CASC3: variants seen among roughly 807,000 people sequenced by gnomAD.
CASC3 encodes CASC3 exon junction complex subunit.
In CASC3, 30 loss-of-function variants were observed where a neutral mutation model predicts 80.5. The observed-to-expected ratio is 0.37, with a 90% confidence interval of 0.28 to 0.51. CASC3 has a LOEUF of 0.51. CASC3 is among the 20% of genes least tolerant of loss of function. CASC3 has a pLI of 0.94. For synonymous variants in CASC3, 312 were observed against 333.6 expected (o/e 0.94, Z 0.70); for missense variants, 824 against 922.2 (o/e 0.89, Z 1.38).
intron 3 of CASC3, among the ~76,000 whole-genome samples, chr17:40,144,073 G>A (rs941151360): frequency 2.0e-5 from 3 of 151,736 alleles, no homozygotes; most frequent in African/African-American, 7.3e-5. Flanking sequence ...CCAACATGGC[G>A]AAACCCATTT....
In CASC3 at chr17:40,163,875, C is replaced by T; in HGVS notation, c.1180C>T (p.Pro394Ser). 1 of 1,614,160 alleles carries T rather than the reference C, an allele frequency of 6.2e-7. No individual in the cohort carries two copies. Among genetic ancestry groups the T allele is most frequent in the Non-Finnish European group, 8.5e-7 (1 of 1,180,036 alleles). ...PAAAPDAAPP[P>S]PDRPIEKKSY... ...TGCTGCTCCTGATGCTGCACCACCA[C>T]CCCCTGATAGGCCCATTGAGAAGAA... Residue 394 changes from proline (P) to serine (S), a missense_variant, in exon 7 of 14, where the codon CCC (proline) becomes TCC (serine). Physicochemically the swap from Pro to Ser is moderately conservative, Grantham distance 74. Coordinates refer to ENST00000264645, the MANE Select transcript of CASC3 (RefSeq NM_007359.5).
chr17:40,144,786 C>T (rs1333000652), intron 3 of CASC3, among the ~76,000 whole-genome samples: 3 of 148,586 alleles, frequency 2.0e-5, no homozygotes, highest in African/African-American at 7.5e-5. Flanking sequence ...AACCAGTCCT[C>T]CTGCCTTGAC....
intron 12 of CASC3, 42 bp downstream of exon 12, chr17:40,169,488 A>G (rs1989539088): frequency 6.3e-7 from 1 of 1,584,008 alleles, no homozygotes; most frequent in Admixed American, 1.9e-5. Flanking sequence ...ATGCTCCGTC[A>G]GTGGGCTTTC....
At chr17:40,159,711 ATTTTTTTTT>A (rs71152647) in intron 3 of CASC3, among the ~76,000 whole-genome samples, 2 of 93,166 alleles carry the variant, frequency 2.1e-5, no homozygotes, top group Non-Finnish European at 4.2e-5. Context: ...TTCCTGGCGA[ATTTTTTTTT>A]TTTTTTTTTT....
rs1567685132 is a variant in CASC3 at position 40,167,925 on chromosome 17, C to T, written c.1727C>T (p.Pro576Leu). The change falls in exon 10 of 14, where the codon CCA becomes CTA. Residue 576 changes from proline (P) to leucine (L), a missense_variant. Pro to Leu is a moderately conservative substitution (Grantham distance 98). Transcript: ENST00000264645. ...CCTCCACAGGGCATGCTTGTGCAGC[C>T]AGGAATGAACCTTCCCCACCCAGGT... The part of the protein sequence containing the change: ...PLPPQGMLVQ[P>L]GMNLPHPGLH... 1 of 1,614,088 alleles carries T rather than the reference C, an allele frequency of 6.2e-7. No homozygotes were observed. Among genetic ancestry groups the T allele is most frequent in the South Asian group, 1.1e-5 (1 of 91,082 alleles).
chr17:40,143,190 A>G (rs1313274088), intron 3 of CASC3, among the ~76,000 whole-genome samples: 3 of 152,212 alleles, frequency 2.0e-5, no homozygotes, highest in Admixed American at 6.5e-5. Flanking sequence ...TCACACCTGT[A>G]ATCCCAGCAC....
In CASC3 at chr17:40,140,686, C is replaced by G; in HGVS notation, c.138C>G (p.Gly46=). The G allele has an allele frequency of 6.3e-7, 1 of 1,596,370 alleles. No individual in the cohort carries two copies. The highest frequency in any genetic ancestry group is 8.5e-7 in the Non-Finnish European group (1 of 1,173,176). The change falls in exon 1 of 14, where the codon GGC becomes GGG. Residue 46 remains glycine, a synonymous_variant. Transcript: ENST00000264645. ...CSGSAGGGGS[G]SLPSQRGGRT... is the part of the protein sequence containing the mutation. ...GTAGCGCCGGAGGCGGCGGCAGCGGCTCTCTGCCTTCACAGCGCGGAGGCC... is the reference window on the plus strand; with the variant it reads ...GTAGCGCCGGAGGCGGCGGCAGCGGGTCTCTGCCTTCACAGCGCGGAGGCC...
At chr17:40,148,882 T>C (rs367788408) in intron 3 of CASC3, among the ~76,000 whole-genome samples, 1 of 151,986 alleles carries the variant, frequency 6.6e-6, no homozygotes, top group South Asian at 2.1e-4. Flanking sequence ...TTTGTTGCAG[T>C]GTTGTCTGAA....
chr17:40,142,670 C>T (rs1373334086), intron 3 of CASC3, among the ~76,000 whole-genome samples: 1 of 152,096 alleles, frequency 6.6e-6, no homozygotes, highest in Non-Finnish European at 1.5e-5. Flanking sequence ...GGGCGGATCA[C>T]GAGGTCAGGA....
At chr17:40,160,430 G>A (rs1989264445) in intron 3 of CASC3, among the ~76,000 whole-genome samples, 1 of 151,874 alleles carries the variant, frequency 6.6e-6, no homozygotes, top group Non-Finnish European at 1.5e-5. Context: ...AGGAGATTGA[G>A]ATTGCAGTAA....
At position 40,169,308 on chromosome 17, in the gene CASC3, G is replaced by T; in HGVS notation, c.1966-16G>T. ...TCATTCCTAACTTTTTCTTCTCCTG[G>T]CTTGTGGGGTCCCAGGCCCCATCAC... On this transcript the variant is annotated splice_polypyrimidine_tract_variant and intron_variant, in intron 11 of 13. Transcript: ENST00000264645. 6.5e-7 allele frequency: 1 copy of T among 1,531,464 alleles called. No homozygotes were observed. Among genetic ancestry groups the T allele is most frequent in the Non-Finnish European group, 8.8e-7 (1 of 1,141,316 alleles). 94.9% of individuals were successfully genotyped at this position (1,531,464 alleles called of 1,614,324 possible). A position where few individuals can be genotyped will look rare whatever the true frequency, so the allele number is the denominator to read the frequency against.
In CASC3 at chr17:40,170,611, C is replaced by T. The variant is rs1107651; in HGVS notation, c.*206C>T. 19,456 of 985,552 alleles carry T rather than the reference C, an allele frequency of 0.02. 237 individuals carry two copies. Among genetic ancestry groups the T allele is most frequent in the Non-Finnish European group, 0.022 (18,465 of 829,946 alleles). 61.1% of individuals were successfully genotyped at this position (985,552 alleles called of 1,614,324 possible). ...GAGAGAGGGAGAAACAAGTGGACCT[C>T]GTCCCATCTTCACTCTTCACTTGAG... On this transcript the variant is annotated 3_prime_UTR_variant, in exon 14 of 14. Coordinates refer to ENST00000264645, the MANE Select transcript of CASC3 (RefSeq NM_007359.5).
Position 40,140,671 on chromosome 17 carries a change from A to G in CASC3, c.123A>G (p.Gly41=). 1.9e-6 allele frequency: 3 copies of G among 1,602,466 alleles called. No individual in the cohort carries two copies. The highest frequency in any genetic ancestry group is 2.6e-6 in the Non-Finnish European group (3 of 1,176,004). ...GCGGGAGCTGCAGCGGTAGCGCCGG[A>G]GGCGGCGGCAGCGGCTCTCTGCCTT... ...RGGGSCSGSA[G]GGGSGSLPSQ... Residue 41 remains glycine (G), a synonymous_variant, in exon 1 of 14, where the codon GGA becomes GGG. Transcript: ENST00000264645.
intron 3 of CASC3, among the ~76,000 whole-genome samples, chr17:40,155,427 T>C (rs1989121964): frequency 6.6e-6 from 1 of 152,128 alleles, no homozygotes; most frequent in Non-Finnish European, 1.5e-5. Context: ...CAGCTAATTA[T>C]ATTTAAGGTT....
At chr17:40,169,238 C>A in intron 11 of CASC3, 86 bp from the exon 12 acceptor site, 1 of 1,320,166 alleles carries the variant, frequency 7.6e-7, no homozygotes, top group Non-Finnish European at 1.0e-6. Flanking sequence ...CCCCAATTCT[C>A]TTATGGCTGA....
chr17:40,146,984 C>G (rs1372377504), intron 3 of CASC3, among the ~76,000 whole-genome samples: 1 of 152,138 alleles, frequency 6.6e-6, no homozygotes, highest in Non-Finnish European at 1.5e-5. Context: ...TCTGTAGTCA[C>G]TAGAGAATGG....
In CASC3 at chr17:40,169,440, A is replaced by T. The variant is rs750792325; in HGVS notation, c.2082A>T (p.Pro694=). 8 of 1,607,244 alleles carry T rather than the reference A, an allele frequency of 5.0e-6. No individual in the cohort carries two copies. The highest frequency in any genetic ancestry group is 6.8e-6 in the Non-Finnish European group (8 of 1,177,318). ...AGCCAGTCACCATCAAGCCCCCTCC[A>T]CCTGAGGTATGAGAGTTCCTTCCTA... ...TPQPVTIKPP[P]PEVVSRGSS Residue 694 remains proline, a synonymous_variant, in exon 12 of 14, where the codon CCA becomes CCT. Coordinates refer to ENST00000264645, the MANE Select transcript of CASC3 (RefSeq NM_007359.5).
At position 40,163,878 on chromosome 17, in the gene CASC3, CCT is replaced by C; in HGVS notation, c.1184_1185del (p.Pro395ArgfsTer2). 6.2e-7 allele frequency: 1 copy of C among 1,614,178 alleles called. No individual in the cohort carries two copies. Among genetic ancestry groups the C allele is most frequent in the Non-Finnish European group, 8.5e-7 (1 of 1,180,042 alleles). On this transcript the variant is annotated frameshift_variant, in exon 7 of 14. Transcript: ENST00000264645. LOFTEE classifies it high-confidence loss of function. ...AAAPDAAPPP[P>X]DRPIEKKSYS... The stretch of plus-strand genomic sequence containing the variant: ...TGCTCCTGATGCTGCACCACCACCC[CCT>C]GATAGGCCCATTGAGAAGAAATCCT...
At position 40,145,408 on chromosome 17, in the gene CASC3, G is replaced by A. The variant is rs936751621; in HGVS notation, c.297+3801G>A. Among the ~76,000 whole-genome samples the A allele has an allele frequency of 2.9e-4, 44 of 151,728 alleles. 1 individual carries two copies. Among genetic ancestry groups the A allele is most frequent in the Non-Finnish European group, 4.6e-4 (31 of 67,956 alleles). ...AGGATGGTCTCCATCTCTTGACGTC[G>A]TGATCCACCCACCTCGGCCTCCCAA... On this transcript the variant is annotated intron_variant, in intron 3 of 13. Coordinates refer to ENST00000264645, the MANE Select transcript of CASC3 (RefSeq NM_007359.5).
Sources: allele counts gnomAD v4.1 joint callset (sites outside exome capture counted in the v4.1 genomes callset), GRCh38; gene constraint gnomAD v4.1.1; transcripts MANE v1.5; gene names NCBI Gene and HGNC (gene_info 2026-07-23, HGNC 2026-07-21).